KLRD1: variants seen among roughly 807,000 people sequenced by gnomAD.
KLRD1 encodes natural killer cells antigen CD94.
Under a neutral mutation model 22.6 loss-of-function variants are expected in KLRD1, and 21 were observed. The ratio of observed to expected loss-of-function variants is 0.93; its 90% CI spans 0.66 to 1.34. The LOEUF is 1.34. Ranked by LOEUF, KLRD1 falls within the 40% of genes most tolerant of loss-of-function variation. The probability of loss-of-function intolerance (pLI) is 0.00; values close to 1 mark genes in which losing one functional copy is unlikely to be tolerated. For missense variants in KLRD1, 183 were observed against 208.6 expected (o/e 0.88, Z 0.76); for synonymous variants, 59 against 71.1 (o/e 0.83, Z 0.85).
chr12:10,239,488 C>CCTTATTCTTCCTTCCTTCCTT (rs1565443274), intron 1 of KLRD1, among the ~76,000 whole-genome samples: 14 of 114,118 alleles, frequency 1.2e-4, no homozygotes, highest in African/African-American at 5.9e-4. Flanking sequence ...CTTCCTTCTT[C>CCTTATTCTTCCTTCCTTCCTT]CTTCCTTCCT....
chr12:10,258,179 T>C (rs1949417383), intron 1 of KLRD1, among the ~76,000 whole-genome samples: 1 of 152,154 alleles, frequency 6.6e-6, no homozygotes, highest in African/African-American at 2.4e-5. Context: ...TCTATAAACA[T>C]ATGAGTCCAA....
intron 1 of KLRD1, among the ~76,000 whole-genome samples, chr12:10,269,306 A>G (rs1318043408): frequency 6.6e-6 from 1 of 152,070 alleles, no homozygotes; most frequent in African/African-American, 2.4e-5. Flanking sequence ...GGTTGCCACC[A>G]TGCCCAGCTA....
At chr12:10,267,002 A>G (rs187950875) in intron 1 of KLRD1, among the ~76,000 whole-genome samples, 6 of 151,646 alleles carry the variant, frequency 4.0e-5, no homozygotes, top group Non-Finnish European at 8.8e-5. Flanking sequence ...TTACATATGT[A>G]TACATGTGCC....
chr12:10,291,001 C>T (rs556892041), intron 1 of KLRD1, among the ~76,000 whole-genome samples: 1 of 152,250 alleles, frequency 6.6e-6, no homozygotes, highest in East Asian at 1.9e-4. Context: ...CTGATCCAGA[C>T]AACCACAAAA....
intron 1 of KLRD1, among the ~76,000 whole-genome samples, chr12:10,283,655 C>G (rs1039588163): frequency 2.6e-5 from 4 of 152,030 alleles, no homozygotes; most frequent in African/African-American, 7.2e-5. Context: ...TTCCTACCTT[C>G]CAAATCTCAA....
intron 1 of KLRD1, among the ~76,000 whole-genome samples, chr12:10,253,931 C>G (rs1409030577): frequency 1.3e-5 from 2 of 152,168 alleles, no homozygotes; most frequent in Admixed American, 1.3e-4. Context: ...TGGGTATATA[C>G]CCAGTAATGG....
chr12:10,266,217 C>T (rs1263734849), intron 1 of KLRD1, among the ~76,000 whole-genome samples: 2 of 151,986 alleles, frequency 1.3e-5, no homozygotes, highest in African/African-American at 2.4e-5. Context: ...TACATACATA[C>T]TTGTTTCTTA....
chr12:10,311,916 A>G (rs181455950), intron 4 of KLRD1, among the ~76,000 whole-genome samples: 1 of 152,320 alleles, frequency 6.6e-6, no homozygotes, highest in African/African-American at 2.4e-5. Context: ...TGAAGAACCA[A>G]CTAAATGACT....
At chr12:10,259,848 C>A (rs1949431554) in intron 1 of KLRD1, among the ~76,000 whole-genome samples, 2 of 152,150 alleles carry the variant, frequency 1.3e-5, no homozygotes, top group African/African-American at 2.4e-5. Flanking sequence ...TGCCTGTAAT[C>A]CCAGATACTT....
At position 10,323,390 on chromosome 12, in the gene KLRD1, A is replaced by G. The variant is rs1180579243; in HGVS notation, c.*8597A>G. On this transcript the variant is annotated 3_prime_UTR_variant, in exon 6 of 6. Coordinates refer to ENST00000336164, the MANE Select transcript of KLRD1 (RefSeq NM_002262.5). ...ACTATGCATTTGCATACAATTGTAC[A>G]TTTAATTTCCATCTTCCAAATGAAT... The G allele has an allele frequency of 6.6e-6, 1 of 151,964 alleles. No individual in the cohort carries two copies. The highest frequency in any genetic ancestry group is 1.5e-5 in the Non-Finnish European group (1 of 67,998). 9.4% of individuals were successfully genotyped at this position (151,964 alleles called of 1,614,324 possible).
At chr12:10,242,098 G>GA (rs1949247742) in intron 1 of KLRD1, among the ~76,000 whole-genome samples, 1 of 122,260 alleles carries the variant, frequency 8.2e-6, no homozygotes, top group Non-Finnish European at 1.6e-5. Context: ...TTTCAGAGAA[G>GA]AGTGACTGTC....
chr12:10,309,155 G>A (rs1352065778), intron 1 of KLRD1: 2 of 384,548 alleles, frequency 5.2e-6, no homozygotes. Context: ...CTGCAACAGA[G>A]CTGGTAGAGA....
intron 4 of KLRD1, among the ~76,000 whole-genome samples, chr12:10,312,943 T>C (rs1192781314): frequency 1.3e-5 from 2 of 150,938 alleles, no homozygotes; most frequent in African/African-American, 2.4e-5. Flanking sequence ...GCTGAGATCG[T>C]CCCACTGCAC....
At chr12:10,292,002 A>G (rs981290282) in intron 1 of KLRD1, among the ~76,000 whole-genome samples, 1 of 152,152 alleles carries the variant, frequency 6.6e-6, no homozygotes, top group Non-Finnish European at 1.5e-5. Context: ...GTAGAATTCC[A>G]TGGTGTATAT....
Position 10,322,584 on chromosome 12 carries a change from A to G in KLRD1, c.*7791A>G, listed in dbSNP as rs770635820. 1.3e-5 allele frequency: 2 copies of G among 152,164 alleles called. No homozygotes were observed. The highest frequency in any genetic ancestry group is 2.9e-5 in the Non-Finnish European group (2 of 68,040). 9.4% of individuals were successfully genotyped at this position (152,164 alleles called of 1,614,324 possible). ...CTGCTGTTGTTTGGACTGGCACCTT[A>G]CTAGACCTGCTCCACAAACTGCCGT... On this transcript the variant is annotated 3_prime_UTR_variant, in exon 6 of 6. Coordinates refer to ENST00000336164, the MANE Select transcript of KLRD1 (RefSeq NM_002262.5).
chr12:10,286,063 C>G (rs1949699439), intron 1 of KLRD1, among the ~76,000 whole-genome samples: 1 of 152,214 alleles, frequency 6.6e-6, no homozygotes, highest in Non-Finnish European at 1.5e-5. Context: ...TACCCATCCA[C>G]TTTATCCCCA....
intron 1 of KLRD1, among the ~76,000 whole-genome samples, chr12:10,290,431 AG>A (rs1292116339): frequency 6.6e-6 from 1 of 152,242 alleles, no homozygotes; most frequent in Non-Finnish European, 1.5e-5. Flanking sequence ...AATCAGAGGT[AG>A]AAGGAATTTA....
At chr12:10,249,873 G>A (rs1217032821) in intron 1 of KLRD1, among the ~76,000 whole-genome samples, 2 of 152,156 alleles carry the variant, frequency 1.3e-5, no homozygotes, top group East Asian at 1.9e-4. Flanking sequence ...ATGGTGGCTC[G>A]TAATGCATTT....
At chr12:10,310,585 A>G (rs758344429) in intron 3 of KLRD1, among the ~76,000 whole-genome samples, 142 of 152,080 alleles carry the variant, frequency 9.3e-4, no homozygotes, top group Non-Finnish European at 1.5e-3. Context: ...ATATTACTTG[A>G]GGTCAGAAGT....
Sources: gnomAD v4.1 joint callset for allele counts (sites outside exome capture counted in the v4.1 genomes callset) on GRCh38, gnomAD v4.1.1 for gene constraint, MANE v1.5 for transcripts, NCBI Gene and HGNC (gene_info 2026-07-23, HGNC 2026-07-21) for gene names.